ADIPOR2: variants seen among roughly 807,000 people sequenced by gnomAD.
ADIPOR2 encodes the protein adiponectin receptor protein 2.
A neutral mutation model predicts 40.9 loss-of-function variants in ADIPOR2; 18 were observed. That is an observed-to-expected ratio of 0.44 (90% CI 0.30 to 0.65). The LOEUF (loss-of-function observed/expected upper bound fraction) is 0.65. ADIPOR2 is among the 30% of genes least tolerant of loss of function. The pLI is 0.09. For missense variants in ADIPOR2, 283 were observed against 479.2 expected (o/e 0.59, Z 3.82); for synonymous variants, 165 against 166.4 (o/e 0.99, Z 0.06).
At chr12:1,701,699 T>A (rs1001455285) in intron 1 of ADIPOR2, among the ~76,000 whole-genome samples, 7 of 152,230 alleles carry the variant, frequency 4.6e-5, no homozygotes, top group African/African-American at 1.7e-4. Context: ...AGATAAAATT[T>A]ATTTATTCTC....
intron 2 of ADIPOR2, among the ~76,000 whole-genome samples, chr12:1,767,304 G>C (rs917285709): frequency 6.8e-6 from 1 of 147,894 alleles, no homozygotes; most frequent in Non-Finnish European, 1.5e-5. Flanking sequence ...AGATAGAATT[G>C]CTATTTGAGA....
At chr12:1,750,011 A>AT (rs1159355602) in intron 1 of ADIPOR2, among the ~76,000 whole-genome samples, 11 of 149,404 alleles carry the variant, frequency 7.4e-5, no homozygotes, top group South Asian at 2.1e-4. Context: ...CTAACTTTTA[A>AT]TTTTTTTTTA....
chr12:1,713,220 C>T (rs1250941312), intron 1 of ADIPOR2, among the ~76,000 whole-genome samples: 1 of 152,078 alleles, frequency 6.6e-6, no homozygotes, highest in Admixed American at 6.5e-5. Context: ...CCTTGAGGTC[C>T]AGAACTGTGA....
intron 1 of ADIPOR2, among the ~76,000 whole-genome samples, chr12:1,741,719 C>A (rs534659946): frequency 2.0e-5 from 3 of 152,226 alleles, no homozygotes; most frequent in Admixed American, 2.0e-4. Flanking sequence ...GGACACATAA[C>A]CTGTTTGGAA....
At chr12:1,704,285 A>G (rs2094657446) in intron 1 of ADIPOR2, among the ~76,000 whole-genome samples, 1 of 152,104 alleles carries the variant, frequency 6.6e-6, no homozygotes, top group African/African-American at 2.4e-5. Flanking sequence ...CCAGAGTGAT[A>G]TGATTGGTGG....
At chr12:1,761,129 G>A (rs1300623960) in intron 2 of ADIPOR2, 1 of 152,010 alleles carries the variant, frequency 6.6e-6, no homozygotes, top group Non-Finnish European at 1.5e-5. Context: ...TATGTTATAG[G>A]TATGTATATA....
intron 2 of ADIPOR2, among the ~76,000 whole-genome samples, chr12:1,760,490 C>T (rs1403104306): frequency 6.6e-6 from 1 of 152,166 alleles, no homozygotes; most frequent in East Asian, 1.9e-4. Flanking sequence ...CCCATCTCTA[C>T]CCCCAACCCT....
At chr12:1,745,992 A>G (rs866161386) in intron 1 of ADIPOR2, among the ~76,000 whole-genome samples, 2 of 152,188 alleles carry the variant, frequency 1.3e-5, no homozygotes. Context: ...TAAAATAAAA[A>G]TAAGTCTTCT....
chr12:1,709,101 T>A (rs12230994), intron 1 of ADIPOR2, among the ~76,000 whole-genome samples: 6,813 of 152,234 alleles, frequency 0.045, 250 homozygotes, highest in East Asian at 0.18. Flanking sequence ...TTCTTTGCAT[T>A]TCCATAAATT....
chr12:1,760,026 G>A (rs1474915976), intron 2 of ADIPOR2, among the ~76,000 whole-genome samples: 2 of 151,546 alleles, frequency 1.3e-5, no homozygotes, highest in East Asian at 1.9e-4. Flanking sequence ...ACTCTGTCTC[G>A]GGGAAAACAA....
intron 1 of ADIPOR2, among the ~76,000 whole-genome samples, chr12:1,740,378 A>G (rs1209476576): frequency 6.6e-6 from 1 of 151,906 alleles, no homozygotes; most frequent in Admixed American, 6.6e-5. Context: ...TTCTCCTATC[A>G]CCCCTCTCCT....
chr12:1,703,099 A>T (rs775225246), intron 1 of ADIPOR2: 5 of 152,244 alleles, frequency 3.3e-5, no homozygotes, highest in Non-Finnish European at 7.3e-5. Flanking sequence ...TTGACTAGTG[A>T]AGAAAGTTAA....
In ADIPOR2 at chr12:1,754,321, T is replaced by C. The variant is rs1472920117; in HGVS notation, c.-23T>C. On this transcript the variant is annotated 5_prime_UTR_variant, in exon 2 of 8. Transcript: ENST00000357103. The stretch of plus-strand genomic sequence containing the variant: ...GAGGGGACAGAAAGACAGATCTATT[T>C]GTAAGAAAGGCTTGGGTATCCCATG... 10 of 1,565,870 alleles carry C rather than the reference T, an allele frequency of 6.4e-6. No homozygotes were observed. Among genetic ancestry groups the C allele is most frequent in the Non-Finnish European group, 8.6e-6 (10 of 1,157,412 alleles).
chr12:1,770,521 T>C (rs1230320426), intron 2 of ADIPOR2, among the ~76,000 whole-genome samples: 2 of 152,224 alleles, frequency 1.3e-5, no homozygotes, highest in Non-Finnish European at 2.9e-5. Context: ...ATTGCCCGTT[T>C]TCAGGTTTTA....
At chr12:1,724,273 AC>A (rs2154442257) in intron 1 of ADIPOR2, among the ~76,000 whole-genome samples, 1 of 152,202 alleles carries the variant, frequency 6.6e-6, no homozygotes, top group African/African-American at 2.4e-5. Context: ...GAGCCACCGC[AC>A]CCGGCCACAA....
chr12:1,713,622 A>G (rs2094681885), intron 1 of ADIPOR2, among the ~76,000 whole-genome samples: 2 of 152,056 alleles, frequency 1.3e-5, no homozygotes, highest in Non-Finnish European at 2.9e-5. Context: ...CTTGTTCCCC[A>G]TATTCATGTA....
chr12:1,748,265 TA>T lies in ADIPOR2; in HGVS notation c.-86-5992del, dbSNP rs774467056. ...TTTTATTATTTATTTATTCTTTTTT[TA>T]GAGACGGAGTCTCTCTCTGTCGCCC... is the stretch of plus-strand genomic sequence containing the variant. On this transcript the variant is annotated intron_variant, in intron 1 of 7. Transcript: ENST00000357103. 2.1e-4 allele frequency among the ~76,000 whole-genome samples: 32 copies of T among 152,302 alleles called. No homozygotes were observed. The South Asian group carries it at 2.7e-3, about 13-fold the overall frequency.
At chr12:1,743,908 T>A (rs186657434) in intron 1 of ADIPOR2, among the ~76,000 whole-genome samples, 9 of 152,332 alleles carry the variant, frequency 5.9e-5, no homozygotes, top group South Asian at 2.1e-4. Context: ...ATTGTCACTT[T>A]ATGATCAGCC....
chr12:1,738,869 C>T (rs144892601), intron 1 of ADIPOR2, among the ~76,000 whole-genome samples: 413 of 152,124 alleles, frequency 2.7e-3, no homozygotes, highest in African/African-American at 9.5e-3. Context: ...ATATTTTTCT[C>T]GAAAATGAGA....
Sources: gnomAD v4.1 joint callset for allele counts (sites outside exome capture counted in the v4.1 genomes callset) on GRCh38, gnomAD v4.1.1 for gene constraint, MANE v1.5 for transcripts, NCBI Gene and HGNC (gene_info 2026-07-23, HGNC 2026-07-21) for gene names.